The following TENM2 variants were observed in gnomAD, a reference collection of about 807,000 sequenced individuals.
TENM2 encodes teneurin-2.
A neutral mutation model predicts 245.2 loss-of-function variants in TENM2; 52 were observed. The ratio of observed to expected loss-of-function variants is 0.21; its 90% CI spans 0.17 to 0.27. The LOEUF is 0.27. Among genes scored for constraint, TENM2 ranks in the 10% least tolerant of loss-of-function variants. The pLI is 1.00. For missense variants in TENM2, 3,046 were observed against 3,666.8 expected, an observed-to-expected ratio of 0.83 and a Z score of 4.37; for synonymous variants, 1,363 against 1,438.9, an observed-to-expected ratio of 0.95 and a Z score of 1.19.
intron 2 of TENM2, among the ~76,000 whole-genome samples, chr5:167,865,006 G>A (rs1770663119): frequency 6.6e-6 from 1 of 152,116 alleles, no homozygotes; most frequent in Non-Finnish European, 1.5e-5. Flanking sequence ...TTCGGCATCG[G>A]CATACAGTTC....
intron 2 of TENM2, among the ~76,000 whole-genome samples, chr5:167,431,926 T>G (rs867213303): frequency 1.1e-5 from 1 of 92,002 alleles, no homozygotes; most frequent in East Asian, 2.2e-4. Flanking sequence ...TATATATATA[T>G]ACATATATAT....
At chr5:167,502,129 G>A (rs538712675) in intron 2 of TENM2, among the ~76,000 whole-genome samples, 6 of 152,032 alleles carry the variant, frequency 3.9e-5, no homozygotes, top group Non-Finnish European at 7.4e-5. Flanking sequence ...TTGTAATATC[G>A]CCAGCATACA....
Position 167,621,797 on chromosome 5 carries a change from G to A in TENM2, c.502+246324G>A, listed in dbSNP as rs574036072. Among the ~76,000 whole-genome samples, 7 of 152,254 alleles carry A rather than the reference G, an allele frequency of 4.6e-5. No homozygotes were observed. In the South Asian group the frequency reaches 1.2e-3, roughly 27 times the overall value. On this transcript the variant is annotated intron_variant, in intron 2 of 28. Coordinates refer to ENST00000518659, the Ensembl canonical transcript of TENM2. The stretch of plus-strand genomic sequence containing the variant: ...GGCCCACCTGCATCACAGTCATTTA[G>A]GGACAATTATTTAAAATGGAGATTC...
At chr5:167,391,993 G>C (rs548290198) in intron 2 of TENM2, among the ~76,000 whole-genome samples, 1 of 152,132 alleles carries the variant, frequency 6.6e-6, no homozygotes, top group Admixed American at 6.5e-5. Context: ...ACTGAAATCA[G>C]TGGTTTGCAG....
intron 2 of TENM2, among the ~76,000 whole-genome samples, chr5:167,837,352 A>G (rs1257564401): frequency 6.6e-6 from 1 of 152,146 alleles, no homozygotes; most frequent in African/African-American, 2.4e-5. Flanking sequence ...TGAGTGATTC[A>G]GGAGTATGAA....
At chr5:168,024,299 G>A (rs1786418184) in intron 5 of TENM2, among the ~76,000 whole-genome samples, 1 of 152,182 alleles carries the variant, frequency 6.6e-6, no homozygotes, top group African/African-American at 2.4e-5. Flanking sequence ...TGGAGCTCCT[G>A]CGTGCAGGGA....
At chr5:167,505,694 A>G (rs185573443) in intron 2 of TENM2, among the ~76,000 whole-genome samples, 1 of 152,320 alleles carries the variant, frequency 6.6e-6, no homozygotes, top group East Asian at 1.9e-4. Context: ...AAGGGAATAT[A>G]GCAACACATA....
At chr5:167,384,729 C>T (rs899514751) in intron 2 of TENM2, among the ~76,000 whole-genome samples, 1 of 152,162 alleles carries the variant, frequency 6.6e-6, no homozygotes, top group Non-Finnish European at 1.5e-5. Context: ...CACACACACA[C>T]GTTTGGATGG....
intron 12 of TENM2, among the ~76,000 whole-genome samples, chr5:168,127,383 A>T (rs760151551): frequency 4.3e-4 from 66 of 152,288 alleles, no homozygotes; most frequent in Non-Finnish European, 7.6e-4. Flanking sequence ...AGGTCAGGTT[A>T]GACGCAGGCA....
Position 167,639,176 on chromosome 5 carries a change from TATA to T in TENM2, c.503-236806_503-236804del, listed in dbSNP as rs1195419994. 3.3e-5 allele frequency among the ~76,000 whole-genome samples: 5 copies of T among 152,368 alleles called. No homozygotes were observed. The East Asian group carries it at 9.6e-4, about 29-fold the overall frequency. ...AATTATTATTTGAGTTGCCCATGTT[TATA>T]ATACTTAGTAATATCCTTAAAGTAT... is the stretch of plus-strand genomic sequence containing the variant. On this transcript the variant is annotated intron_variant, in intron 2 of 28. Transcript: ENST00000518659.
At chr5:168,185,948 ATATATATATATATATATTT>A (rs1760374603) in intron 13 of TENM2, among the ~76,000 whole-genome samples, 1 of 4,334 alleles carries the variant, frequency 2.3e-4, no homozygotes, top group Non-Finnish European at 3.8e-4. Context: ...ATATATATAT[ATATATATATATATATATTT>A]GAATTTATAT....
rs193176820 is a variant in TENM2, at chr5:167,376,670, C to T, written c.502+1197C>T. On this transcript the variant is annotated intron_variant, in intron 2 of 28. Coordinates refer to ENST00000518659, the Ensembl canonical transcript of TENM2. ...ACAAGGGGATGTGTCTTACTTATGC[C>T]TCCGTTCATGTAGCTAATCAAGGTG... Among the ~76,000 whole-genome samples the T allele has an allele frequency of 3.2e-3, 489 of 152,110 alleles. 5 individuals carry two copies. Among genetic ancestry groups the T allele is most frequent in the Admixed American group, 0.012 (178 of 15,286 alleles).
the TENM2 span, among the ~76,000 whole-genome samples, chr5:167,174,536 G>C: frequency 1.3e-5 from 2 of 152,182 alleles, no homozygotes; most frequent in Admixed American, 1.3e-4. Context: ...ATGTCTTCTT[G>C]CTTTGTTTTA....
At chr5:167,105,359 G>A in the TENM2 span, among the ~76,000 whole-genome samples, 744 of 152,208 alleles carry the variant, frequency 4.9e-3, 7 homozygotes, top group African/African-American at 0.017. Flanking sequence ...CACCTAATTA[G>A]GTTCTTTTTT....
intron 2 of TENM2, among the ~76,000 whole-genome samples, chr5:167,829,641 T>G (rs563630449): frequency 1.3e-3 from 196 of 152,336 alleles, no homozygotes; most frequent in South Asian, 7.7e-3. Flanking sequence ...TATATAATAA[T>G]TATACATTTT....
chr5:167,926,265 A>C (rs1431633860), intron 3 of TENM2, among the ~76,000 whole-genome samples: 2 of 152,160 alleles, frequency 1.3e-5, no homozygotes, highest in Non-Finnish European at 2.9e-5. Flanking sequence ...CCTCTTTATA[A>C]ATTTTGTTGA....
chr5:168,152,830 T>G (rs1756773997), intron 12 of TENM2, among the ~76,000 whole-genome samples: 1 of 152,120 alleles, frequency 6.6e-6, no homozygotes, highest in Non-Finnish European at 1.5e-5. Context: ...TCTTACAAGT[T>G]GAAAGGCACA....
At chr5:167,235,461 G>T in the TENM2 span, among the ~76,000 whole-genome samples, 118 of 152,070 alleles carry the variant, frequency 7.8e-4, 1 homozygote, top group African/African-American at 2.7e-3. Context: ...AACAGAAAAC[G>T]ATTCAATCTG....
chr5:167,871,482 A>G (rs1772822625), intron 2 of TENM2, among the ~76,000 whole-genome samples: 1 of 152,214 alleles, frequency 6.6e-6, no homozygotes, highest in East Asian at 1.9e-4. Context: ...GATAAATTAG[A>G]AAAAGTTGGA....
Sources: allele counts gnomAD v4.1 joint callset (sites outside exome capture counted in the v4.1 genomes callset), GRCh38; gene constraint gnomAD v4.1.1; transcripts MANE v1.5; gene names NCBI Gene and HGNC (gene_info 2026-07-23, HGNC 2026-07-21).